COL22A1: variants seen among roughly 807,000 people sequenced by gnomAD.
The protein encoded by COL22A1 is collagen alpha-1(XXII) chain.
In COL22A1, 221 loss-of-function variants were observed where a neutral mutation model predicts 248.9. That is an observed-to-expected ratio of 0.89 (90% CI 0.80 to 0.99). The LOEUF is 0.99. Ranked by LOEUF, COL22A1 falls within the 50% of genes least tolerant of loss-of-function variation. The probability of loss-of-function intolerance (pLI) is 0.00; values close to 1 mark genes in which losing one functional copy is unlikely to be tolerated. For missense variants in COL22A1, 2,240 were observed against 2,179.0 expected, an observed-to-expected ratio of 1.03 and a Z score of -0.56; for synonymous variants, 891 against 793.4, an observed-to-expected ratio of 1.12 and a Z score of -2.07.
chr8:138,735,788 G>T (rs191065127), intron 23 of COL22A1, among the ~76,000 whole-genome samples: 24 of 152,324 alleles, frequency 1.6e-4, no homozygotes, highest in African/African-American at 5.1e-4. Flanking sequence ...TGCATCCAAG[G>T]TGCCATCTTT....
At chr8:138,703,491 C>A in intron 30 of COL22A1, 144 bp from the exon 31 acceptor site, 1 of 652,786 alleles carries the variant, frequency 1.5e-6, no homozygotes, top group African/African-American at 1.8e-5. Context: ...CCTGCACCTA[C>A]CTTGATAGAT....
chr8:138,788,416 G>T (rs189864950), intron 12 of COL22A1, among the ~76,000 whole-genome samples: 3 of 152,132 alleles, frequency 2.0e-5, no homozygotes, highest in African/African-American at 2.4e-5. Flanking sequence ...TGTAAAACAA[G>T]GACAGCAATA....
intron 47 of COL22A1, among the ~76,000 whole-genome samples, chr8:138,642,719 G>A (rs1019849850): frequency 1.3e-5 from 2 of 152,152 alleles, no homozygotes; most frequent in African/African-American, 4.8e-5. Flanking sequence ...TAATTGATAT[G>A]ATTTTACTTC....
At chr8:138,894,304 A>G (rs1313407303) in intron 1 of COL22A1, among the ~76,000 whole-genome samples, 2 of 152,198 alleles carry the variant, frequency 1.3e-5, no homozygotes, top group Non-Finnish European at 2.9e-5. Context: ...TGGATTAGAG[A>G]GACCAATGAG....
intron 4 of COL22A1, among the ~76,000 whole-genome samples, chr8:138,841,341 C>A (rs34689984): frequency 0.51 from 76,813 of 151,974 alleles, 20,753 homozygotes; most frequent in Middle Eastern, 0.72. Context: ...GGACGCAAAT[C>A]ATTATAATGC....
At position 138,660,524 on chromosome 8, in the gene COL22A1, G is replaced by T. The variant is rs377133090; in HGVS notation, c.3241-44C>A. 4.5e-6 allele frequency: 7 copies of T among 1,567,164 alleles called. No individual in the cohort carries two copies. In the African/African-American group the frequency reaches 9.5e-5, roughly 21 times the overall value. ...AAAACATTAACTGTGATAAGCACAC[G>T]ATCCTGACCCACTCTACCCACACCC... On this transcript the variant is annotated intron_variant, in intron 43 of 64. Transcript: ENST00000303045.
At chr8:138,685,101 G>T in intron 38 of COL22A1, 107 bp downstream of exon 38, 1 of 806,212 alleles carries the variant, frequency 1.2e-6, no homozygotes, top group Non-Finnish European at 2.1e-6. Flanking sequence ...CATTTCATTG[G>T]CCACGGTTCA....
rs373473233 is a variant in COL22A1, at chr8:138,844,069, T to C, written c.733+15A>G. The C allele has an allele frequency of 2.5e-6, 4 of 1,611,320 alleles. No individual in the cohort carries two copies. The highest frequency in any genetic ancestry group is 1.3e-5 in the African/African-American group (1 of 75,024). On this transcript the variant is annotated intron_variant, in intron 4 of 64. Transcript: ENST00000303045. ...ACACCAAAGCAAGCACACGTGGTTA[T>C]TGTTTTTCCCTTACCTGTGATTTCC...
At position 138,663,469 on chromosome 8, in the gene COL22A1, C is replaced by A. The variant is rs148087047; in HGVS notation, c.3186+236G>T. Among the ~76,000 whole-genome samples the A allele has an allele frequency of 2.5e-3, 384 of 152,318 alleles. 2 individuals are homozygous for A. Among genetic ancestry groups the A allele is most frequent in the African/African-American group, 8.9e-3 (372 of 41,570 alleles). On this transcript the variant is annotated intron_variant, in intron 42 of 64. Coordinates refer to ENST00000303045, the MANE Select transcript of COL22A1 (RefSeq NM_152888.3). The stretch of plus-strand genomic sequence containing the variant: ...GTTGAAAAGATGCCCAAAACTGAAG[C>A]CAGTCTGTTTGCCTGACTATAATAT...
chr8:138,703,203 T>C, intron 31 of COL22A1, 103 bp downstream of exon 31: 1 of 1,050,632 alleles, frequency 9.5e-7, no homozygotes, highest in Non-Finnish European at 1.5e-6. Flanking sequence ...CAAACTCCAA[T>C]AGGGGAGATA....
chr8:138,785,615 C>A (rs547335448), intron 12 of COL22A1, among the ~76,000 whole-genome samples: 2 of 152,166 alleles, frequency 1.3e-5, no homozygotes, highest in Admixed American at 1.3e-4. Context: ...TGCAGCTGAA[C>A]GCAGAGGCAG....
intron 41 of COL22A1, among the ~76,000 whole-genome samples, chr8:138,668,413 T>C (rs115411103): frequency 0.044 from 6,729 of 152,018 alleles, 430 homozygotes; most frequent in African/African-American, 0.15. Context: ...CACACACACA[T>C]GCACATATAT....
chr8:138,844,176 A>C lies in COL22A1; in HGVS notation c.659-18T>G. On this transcript the variant is annotated intron_variant, in intron 3 of 64. Transcript: ENST00000303045. ...GAGCACATCTGAGGAAAGCAAGAGG[A>C]AACAGAGACTGATGAGAAAATGTGA... The C allele has an allele frequency of 1.9e-6, 3 of 1,612,364 alleles. No individual in the cohort carries two copies. The South Asian group carries it at 3.3e-5, about 18-fold the overall frequency.
At chr8:138,871,559 T>TGG (rs1374279016) in intron 3 of COL22A1, among the ~76,000 whole-genome samples, 1 of 152,216 alleles carries the variant, frequency 6.6e-6, no homozygotes, top group African/African-American at 2.4e-5. Context: ...CATCACTTGA[T>TGG]GGACTGCCCA....
At chr8:138,592,447 C>T (rs558359594) in intron 63 of COL22A1, among the ~76,000 whole-genome samples, 1 of 152,294 alleles carries the variant, frequency 6.6e-6, no homozygotes, top group South Asian at 2.1e-4. Flanking sequence ...GGTCAGTATT[C>T]TGCCACAATC....
intron 3 of COL22A1, among the ~76,000 whole-genome samples, chr8:138,852,105 G>A (rs1821690226): frequency 6.6e-6 from 1 of 152,116 alleles, no homozygotes; most frequent in African/African-American, 2.4e-5. Context: ...AGGAAGAGTG[G>A]GGACACATGG....
At chr8:138,853,764 C>T (rs984902374) in intron 3 of COL22A1, among the ~76,000 whole-genome samples, 2 of 152,190 alleles carry the variant, frequency 1.3e-5, no homozygotes, top group African/African-American at 4.8e-5. Flanking sequence ...AGCACATTCA[C>T]ACACCATGAC....
At chr8:138,641,683 A>C (rs1200122454) in intron 47 of COL22A1, among the ~76,000 whole-genome samples, 1 of 152,208 alleles carries the variant, frequency 6.6e-6, no homozygotes, top group African/African-American at 2.4e-5. Flanking sequence ...TCTGTAAGAT[A>C]AACCTTGGGG....
intron 1 of COL22A1, among the ~76,000 whole-genome samples, chr8:138,886,897 A>G (rs1369823047): frequency 1.3e-5 from 2 of 152,052 alleles, no homozygotes; most frequent in Admixed American, 6.5e-5. Flanking sequence ...TTTTTTATAT[A>G]CATATATTTT....
Sources: allele counts gnomAD v4.1 joint callset (sites outside exome capture counted in the v4.1 genomes callset), GRCh38; gene constraint gnomAD v4.1.1; transcripts MANE v1.5; gene names NCBI Gene and HGNC (gene_info 2026-07-23, HGNC 2026-07-21).